Variants in ZMAT1 observed in about 807,000 individuals in gnomAD.
ZMAT1 encodes the protein zinc finger matrin-type 1.
Under a neutral mutation model 18.5 loss-of-function variants are expected in ZMAT1, and 11 were observed. That is an observed-to-expected ratio of 0.59 (90% CI 0.37 to 0.98). ZMAT1 has a LOEUF of 0.98. ZMAT1 is among the 50% of genes least tolerant of loss of function. The pLI, the probability that ZMAT1 is intolerant of heterozygous loss-of-function variation, is 0.01. For missense variants in ZMAT1, 525 were observed against 496.2 expected, an observed-to-expected ratio of 1.06 and a Z score of -0.55; for synonymous variants, 211 against 176.4, an observed-to-expected ratio of 1.20 and a Z score of -1.55.
intron 1 of ZMAT1, chrX:101,912,080 T>G (rs1350290835): frequency 5.5e-6 from 6 of 1,093,118 alleles, no homozygotes; most frequent in Non-Finnish European, 7.5e-6. Context: ...ATAAACCCAC[T>G]CCACATGTGC....
chrX:101,899,284 TTTTA>T (rs1164696072), intron 2 of ZMAT1, among the ~76,000 whole-genome samples: 2 of 111,692 alleles, frequency 1.8e-5, no homozygotes, highest in African/African-American at 3.3e-5. Context: ...CTCTACAGAA[TTTTA>T]TTTATTTTTA....
intron 2 of ZMAT1, among the ~76,000 whole-genome samples, chrX:101,901,035 T>A (rs1372700495): frequency 9.0e-6 from 1 of 111,521 alleles, no homozygotes; most frequent in Non-Finnish European, 1.9e-5. Context: ...GACTCCTTGG[T>A]TAGGTATATT....
intron 1 of ZMAT1, among the ~76,000 whole-genome samples, chrX:101,923,037 C>T (rs762763768): frequency 8.9e-6 from 1 of 111,913 alleles, no homozygotes; most frequent in East Asian, 2.8e-4. Context: ...AGGAATAAAA[C>T]TGTTCTGGCA....
chrX:101,906,884 C>G (rs1603279624), intron 1 of ZMAT1, among the ~76,000 whole-genome samples: 1 of 111,004 alleles, frequency 9.0e-6, no homozygotes, highest in African/African-American at 3.3e-5. Flanking sequence ...AGGCCCCAGG[C>G]TCCAGAGGAC....
At position 101,931,808 on chromosome X, in the gene ZMAT1, GCC is replaced by G; in HGVS notation, c.199_200del (p.Gly67ArgfsTer19). 1 of 782,077 alleles carries G rather than the reference GCC, an allele frequency of 1.3e-6. No individual in the cohort carries two copies. The highest frequency in any genetic ancestry group is 1.5e-6 in the Non-Finnish European group (1 of 659,249). 64.5% of individuals were successfully genotyped at this position (782,077 alleles called of 1,213,427 possible). ...ACPPAGGCGD[G>X]GGGGFGGSTM... Reference sequence around the variant, plus strand: ...TGGAGCCGCCAAAGCCGCCGCCGCCGCCGTCGCCACAGCCACCGGCAGGCGGG... The same window carrying G: ...TGGAGCCGCCAAAGCCGCCGCCGCCGGTCGCCACAGCCACCGGCAGGCGGG... On this transcript the variant is annotated frameshift_variant, in exon 1 of 6. Coordinates refer to ENST00000651725, the MANE Select transcript of ZMAT1 (RefSeq NM_001394560.1). LOFTEE classifies it high-confidence loss of function.
At chrX:101,894,862 G>A in intron 4 of ZMAT1, 3 of 752,801 alleles carry the variant, frequency 4.0e-6, no homozygotes, top group Middle Eastern at 1.5e-3. Flanking sequence ...GTGGAAGAGA[G>A]AATATGAAAG....
rs768337175 is a variant in ZMAT1 at position 101,884,128 on chromosome X, G to A, written c.1470C>T (p.Val490=). ...ETHRNREMVD[V]RPRHRMLEQK... ...GCTCCAACATTCTATGTCTGGGTCT[G>A]ACATCAACCATTTCTCTGTTCCTGT... is the stretch of plus-strand genomic sequence containing the variant. Residue 490 remains valine (V), a synonymous_variant, in exon 6 of 6, where the codon GTC becomes GTT. Transcript: ENST00000651725. 5 of 1,208,256 alleles carry A rather than the reference G, an allele frequency of 4.1e-6. No individual in the cohort carries two copies. The East Asian group carries it at 1.5e-4, about 36-fold the overall frequency.
At chrX:101,887,112 T>C (rs756996752) in intron 4 of ZMAT1, 14 of 395,091 alleles carry the variant, frequency 3.5e-5, no homozygotes, top group African/African-American at 3.0e-4. Flanking sequence ...TCTTTTTGTT[T>C]GCCCCAACTC....
intron 1 of ZMAT1, among the ~76,000 whole-genome samples, chrX:101,917,199 G>A (rs1296971515): frequency 8.9e-6 from 1 of 111,795 alleles, no homozygotes; most frequent in Non-Finnish European, 1.9e-5. Context: ...ATCATATCAA[G>A]TTAAAAAGCT....
chrX:101,914,775 A>G (rs1336598326), intron 1 of ZMAT1, among the ~76,000 whole-genome samples: 2 of 111,520 alleles, frequency 1.8e-5, no homozygotes, highest in Non-Finnish European at 3.8e-5. Context: ...AAGAACTACG[A>G]CCAATCCTAC....
chrX:101,919,852 T>G (rs1487019591), intron 1 of ZMAT1, among the ~76,000 whole-genome samples: 2 of 110,862 alleles, frequency 1.8e-5, no homozygotes, highest in African/African-American at 6.6e-5. Flanking sequence ...AACTCTGCAT[T>G]CAACAGGCGG....
At chrX:101,909,213 A>G (rs1455556422) in intron 1 of ZMAT1, among the ~76,000 whole-genome samples, 2 of 110,140 alleles carry the variant, frequency 1.8e-5, no homozygotes, top group African/African-American at 3.3e-5. Context: ...CAATCCTTAC[A>G]GCGTTCATCA....
At chrX:101,899,704 T>C (rs776524369) in intron 2 of ZMAT1, among the ~76,000 whole-genome samples, 10 of 112,672 alleles carry the variant, frequency 8.9e-5, no homozygotes, top group Non-Finnish European at 1.5e-4. Context: ...CACTCAGTGA[T>C]TGATGGGCAT....
intron 2 of ZMAT1, among the ~76,000 whole-genome samples, chrX:101,900,947 G>A (rs1460910117): frequency 8.9e-6 from 1 of 111,897 alleles, no homozygotes; most frequent in African/African-American, 3.3e-5. Context: ...CCATGAGCAT[G>A]GAATATGTTT....
chrX:101,915,350 A>AATAT (rs1461950629), intron 1 of ZMAT1, among the ~76,000 whole-genome samples: 41 of 55,825 alleles, frequency 7.3e-4, no homozygotes, highest in Middle Eastern at 7.9e-3. Context: ...TCAAACAAAA[A>AATAT]ATATATATAT....
intron 5 of ZMAT1, among the ~76,000 whole-genome samples, chrX:101,886,147 T>C (rs1415612524): frequency 8.9e-6 from 1 of 112,091 alleles, no homozygotes; most frequent in Non-Finnish European, 1.9e-5. Flanking sequence ...CTTACACATA[T>C]TATATTTCAT....
intron 5 of ZMAT1, among the ~76,000 whole-genome samples, chrX:101,885,394 G>A (rs1926859982): frequency 9.0e-6 from 1 of 110,923 alleles, no homozygotes; most frequent in Non-Finnish European, 1.9e-5. Context: ...AGCCAGGTGT[G>A]GTGTGTGTGC....
chrX:101,913,394 T>G (rs953445944), intron 1 of ZMAT1, among the ~76,000 whole-genome samples: 3 of 111,113 alleles, frequency 2.7e-5, no homozygotes, highest in Non-Finnish European at 5.7e-5. Flanking sequence ...AGACACTGAC[T>G]CACTGAATGG....
At chrX:101,928,372 G>A (rs2147690693) in intron 1 of ZMAT1, among the ~76,000 whole-genome samples, 1 of 110,756 alleles carries the variant, frequency 9.0e-6, no homozygotes, top group Admixed American at 9.5e-5. Context: ...TTCTTTTTTT[G>A]TTTGAGATGG....
Sources: gnomAD v4.1 joint callset for allele counts (sites outside exome capture counted in the v4.1 genomes callset) on GRCh38, gnomAD v4.1.1 for gene constraint, MANE v1.5 for transcripts, NCBI Gene and HGNC (gene_info 2026-07-23, HGNC 2026-07-21) for gene names.